Variants in PALS1 observed in about 807,000 individuals in gnomAD.
The protein encoded by PALS1 is protein associated with LIN7 1, MAGUK p55 family member, also known as protein PALS1.
Under a neutral mutation model 78.9 loss-of-function variants are expected in PALS1, and 31 were observed. The ratio of observed to expected loss-of-function variants is 0.39; its 90% CI spans 0.30 to 0.53. The LOEUF is 0.53. PALS1 is among the 20% of genes least tolerant of loss of function. PALS1 has a pLI of 0.67. For synonymous variants in PALS1, 276 were observed against 270.9 expected, an observed-to-expected ratio of 1.02 and a Z score of -0.18; for missense variants, 704 against 826.5, an observed-to-expected ratio of 0.85 and a Z score of 1.82.
chr14:67,309,850 T>C (rs1294385193), intron 8 of PALS1, among the ~76,000 whole-genome samples: 3 of 152,096 alleles, frequency 2.0e-5, no homozygotes, highest in African/African-American at 7.2e-5. Flanking sequence ...AAAAACAACA[T>C]ACTGGGTAGG....
intron 3 of PALS1, among the ~76,000 whole-genome samples, chr14:67,283,666 T>C (rs1342048406): frequency 6.6e-6 from 1 of 152,192 alleles, no homozygotes; most frequent in African/African-American, 2.4e-5. Flanking sequence ...GTTTGAAGTG[T>C]TGGGATCATT....
chr14:67,300,380 T>G (rs1016282451), intron 4 of PALS1, among the ~76,000 whole-genome samples: 7 of 148,018 alleles, frequency 4.7e-5, no homozygotes, highest in African/African-American at 1.8e-4. Context: ...CAGGCTGGAA[T>G]GCAGTGGCGC....
chr14:67,248,583 G>A (rs1410952975), intron 1 of PALS1, among the ~76,000 whole-genome samples: 1 of 152,090 alleles, frequency 6.6e-6, no homozygotes, highest in Non-Finnish European at 1.5e-5. Flanking sequence ...CCTCAAAGAC[G>A]TTGAAATTTT....
intron 1 of PALS1, among the ~76,000 whole-genome samples, chr14:67,248,591 T>C (rs994617681): frequency 2.6e-5 from 4 of 152,180 alleles, no homozygotes; most frequent in Non-Finnish European, 4.4e-5. Flanking sequence ...ACGTTGAAAT[T>C]TTGAGGCCTC....
intron 2 of PALS1, chr14:67,272,073 A>AG (rs1306700047): frequency 6.6e-6 from 1 of 152,014 alleles, no homozygotes; most frequent in Non-Finnish European, 1.5e-5. Flanking sequence ...AAAAAAAAAA[A>AG]AGTTCAAGGA....
chr14:67,257,693 T>C (rs12323911), intron 1 of PALS1, among the ~76,000 whole-genome samples: 23,688 of 152,116 alleles, frequency 0.16, 3,480 homozygotes, highest in East Asian at 0.42. Flanking sequence ...CAGCCTATTT[T>C]TATACATGTC....
At chr14:67,301,043 G>T (rs2084926234) in intron 4 of PALS1, among the ~76,000 whole-genome samples, 1 of 152,006 alleles carries the variant, frequency 6.6e-6, no homozygotes, top group South Asian at 2.1e-4. Flanking sequence ...TCACATAAAT[G>T]ATTTAAAAAC....
intron 8 of PALS1, among the ~76,000 whole-genome samples, chr14:67,305,240 A>G (rs1375508675): frequency 6.6e-6 from 1 of 152,170 alleles, no homozygotes; most frequent in African/African-American, 2.4e-5. Context: ...ATCCCTCCTG[A>G]GTAAATGACT....
intron 3 of PALS1, among the ~76,000 whole-genome samples, chr14:67,283,333 T>C (rs1406765577): frequency 6.6e-6 from 1 of 152,222 alleles, no homozygotes; most frequent in Non-Finnish European, 1.5e-5. Flanking sequence ...TAAAGTAAAA[T>C]AGCTCTTTCA....
intron 1 of PALS1, among the ~76,000 whole-genome samples, chr14:67,253,825 T>C (rs1428876545): frequency 6.6e-6 from 1 of 150,426 alleles, no homozygotes; most frequent in Non-Finnish European, 1.5e-5. Flanking sequence ...TGGGCAACAG[T>C]GAGACCCTGT....
intron 3 of PALS1, among the ~76,000 whole-genome samples, chr14:67,280,979 T>G (rs904951858): frequency 2.7e-5 from 4 of 150,744 alleles, no homozygotes; most frequent in East Asian, 1.9e-4. Context: ...CTCACAGCAA[T>G]CTCCGCCTTC....
chr14:67,309,535 A>G (rs1426716091), intron 8 of PALS1, among the ~76,000 whole-genome samples: 1 of 152,192 alleles, frequency 6.6e-6, no homozygotes, highest in Non-Finnish European at 1.5e-5. Context: ...CAGCCTACAC[A>G]AAGAGGGGCC....
At chr14:67,294,282 C>T (rs1312903718) in intron 4 of PALS1, 1 of 149,528 alleles carries the variant, frequency 6.7e-6, no homozygotes, top group Non-Finnish European at 1.5e-5. Flanking sequence ...GTGAAGTTGC[C>T]CTTTCAGTAC....
At chr14:67,300,336 C>CTTTTTTTTTTTTTTTT (rs36091817) in intron 4 of PALS1, among the ~76,000 whole-genome samples, 7,526 of 136,576 alleles carry the variant, frequency 0.055, 522 homozygotes, top group African/African-American at 0.13. Flanking sequence ...TATGAATTAC[C>CTTTTTTTTTTTTTTTT]TTTTTTTTTT....
chr14:67,268,559 A>G (rs963727515), intron 1 of PALS1, among the ~76,000 whole-genome samples: 3 of 152,232 alleles, frequency 2.0e-5, no homozygotes, highest in South Asian at 2.1e-4. Flanking sequence ...GGCAATTCGC[A>G]GAACTGAGGG....
intron 8 of PALS1, among the ~76,000 whole-genome samples, chr14:67,306,235 G>A (rs1315322782): frequency 6.6e-6 from 1 of 152,066 alleles, no homozygotes. Context: ...CTCCCAAAGT[G>A]CTGGGATTAC....
At chr14:67,304,431 G>A (rs975209459) in intron 8 of PALS1, among the ~76,000 whole-genome samples, 9 of 152,182 alleles carry the variant, frequency 5.9e-5, no homozygotes, top group Non-Finnish European at 8.8e-5. Flanking sequence ...GACAAAATAT[G>A]TATGTATGAT....
rs1475437415 is a variant in PALS1, at chr14:67,252,131, A to T, written c.-237+10598A>T. ...GTATCCCTTATAATAAACCAGTAAT[A>T]GTAAGTAAAGTGCCTTTCTGAGTTC... On this transcript the variant is annotated intron_variant, in intron 1 of 14. Coordinates refer to ENST00000261681, the MANE Select transcript of PALS1 (RefSeq NM_022474.4). Among the ~76,000 whole-genome samples the T allele has an allele frequency of 3.3e-5, 5 of 152,198 alleles. No individual in the cohort carries two copies. In the East Asian group the frequency reaches 9.6e-4, roughly 29 times the overall value.
intron 8 of PALS1, among the ~76,000 whole-genome samples, chr14:67,307,459 TATTG>T (rs1281615299): frequency 6.6e-6 from 1 of 152,210 alleles, no homozygotes; most frequent in African/African-American, 2.4e-5. Flanking sequence ...ATTAACAGAT[TATTG>T]ATTGTTTAAT....
Sources: gnomAD v4.1 joint callset for allele counts (sites outside exome capture counted in the v4.1 genomes callset) on GRCh38, gnomAD v4.1.1 for gene constraint, MANE v1.5 for transcripts, NCBI Gene and HGNC (gene_info 2026-07-23, HGNC 2026-07-21) for gene names.